The following CACNA1E variants were observed in gnomAD, a reference collection of about 807,000 sequenced individuals.
The protein encoded by CACNA1E is voltage-dependent R-type calcium channel subunit alpha-1E.
In CACNA1E, 40 loss-of-function variants were observed where a neutral mutation model predicts 259.2. The ratio of observed to expected loss-of-function variants is 0.15; its 90% CI spans 0.12 to 0.20. The LOEUF is 0.20. Among genes scored for constraint, CACNA1E ranks in the 10% least tolerant of loss-of-function variants. The pLI is 1.00. For missense variants in CACNA1E, 1,874 were observed against 3,040.1 expected (o/e 0.62, Z 9.02); for synonymous variants, 1,104 against 1,138.5 (o/e 0.97, Z 0.61).
At chr1:181,578,238 A>T (rs984675970) in intron 4 of CACNA1E, among the ~76,000 whole-genome samples, 3 of 152,176 alleles carry the variant, frequency 2.0e-5, no homozygotes, top group Non-Finnish European at 4.4e-5. Flanking sequence ...ATCCTGAAAT[A>T]AGTATTTTAT....
intron 3 of CACNA1E, among the ~76,000 whole-genome samples, chr1:181,531,757 C>T (rs563974582): frequency 2.0e-5 from 3 of 152,262 alleles, no homozygotes; most frequent in East Asian, 3.9e-4. Context: ...GGGACTGAGG[C>T]TGAAGGTAGA....
At chr1:181,733,805 TG>T (rs1229691816) in intron 21 of CACNA1E, 55 bp downstream of exon 21, 12 of 1,348,124 alleles carry the variant, frequency 8.9e-6, no homozygotes, top group Non-Finnish European at 2.9e-6. Flanking sequence ...CATCTGGGGC[TG>T]GGGCCATGAC....
chr1:181,336,099 G>T (rs191197942), intron 1 of CACNA1E, among the ~76,000 whole-genome samples: 1 of 152,234 alleles, frequency 6.6e-6, no homozygotes, highest in East Asian at 1.9e-4. Context: ...CCTCTTGATG[G>T]GTACTTCTAT....
intron 2 of CACNA1E, among the ~76,000 whole-genome samples, chr1:181,463,668 G>A (rs1227355789): frequency 6.6e-6 from 1 of 152,088 alleles, no homozygotes; most frequent in Admixed American, 6.5e-5. Context: ...GGTAGTATGT[G>A]TTTTTCTTAT....
At position 181,653,401 on chromosome 1, in the gene CACNA1E, C is replaced by T. The variant is rs186721587; in HGVS notation, c.1055+1960C>T. Among the ~76,000 whole-genome samples, 29 of 152,318 alleles carry T rather than the reference C, an allele frequency of 1.9e-4. No individual in the cohort carries two copies. In the South Asian group the frequency reaches 3.1e-3, roughly 16 times the overall value. On this transcript the variant is annotated intron_variant, in intron 7 of 47. Coordinates refer to ENST00000367573, the MANE Select transcript of CACNA1E (RefSeq NM_001205293.3). ...AGTTTCCCTGTACAAGCTCTCTTCT[C>T]TTGTCTGCTGCCAAGTGAGATGTGC...
intron 6 of CACNA1E, among the ~76,000 whole-genome samples, chr1:181,605,178 A>T (rs1654114150): frequency 6.6e-6 from 1 of 152,196 alleles, no homozygotes; most frequent in Non-Finnish European, 1.5e-5. Flanking sequence ...CGGAGGAAAC[A>T]GAGAGAAAGA....
chr1:181,651,501 C>T (rs1658753390), intron 7 of CACNA1E, 60 bp downstream of exon 7: 1 of 1,145,422 alleles, frequency 8.7e-7, no homozygotes, highest in Admixed American at 1.8e-5. Flanking sequence ...TAAACTAATG[C>T]CTCCTGACTC....
intron 7 of CACNA1E, among the ~76,000 whole-genome samples, chr1:181,671,165 C>T (rs1297078835): frequency 6.6e-6 from 1 of 152,190 alleles, no homozygotes; most frequent in Non-Finnish European, 1.5e-5. Flanking sequence ...TTCCCAGTAG[C>T]TGGGACTACA....
chr1:181,594,776 T>C (rs1652992746), intron 6 of CACNA1E, among the ~76,000 whole-genome samples: 1 of 152,224 alleles, frequency 6.6e-6, no homozygotes, highest in Non-Finnish European at 1.5e-5. Flanking sequence ...GAGACTCATT[T>C]TCAACTTCTA....
At chr1:181,727,641 A>C (rs774072200) in intron 18 of CACNA1E, among the ~76,000 whole-genome samples, 41 of 152,202 alleles carry the variant, frequency 2.7e-4, no homozygotes, top group Non-Finnish European at 5.1e-4. Context: ...GTGGTGACAC[A>C]GAGGGGTGTT....
In CACNA1E at chr1:181,606,780, C is replaced by T. The variant is rs574737290; in HGVS notation, c.951+26004C>T. 3.9e-5 allele frequency among the ~76,000 whole-genome samples: 6 copies of T among 152,334 alleles called. No individual in the cohort carries two copies. The East Asian group carries it at 1.2e-3, about 29-fold the overall frequency. ...GTCAGAATCAGCCCCCAACCCGACT[C>T]CATCAACCTCAGAACCTTTGGACAT... On this transcript the variant is annotated intron_variant, in intron 6 of 47. Transcript: ENST00000367573.
intron 8 of CACNA1E, among the ~76,000 whole-genome samples, chr1:181,712,467 A>C (rs1231003615): frequency 6.6e-6 from 1 of 152,152 alleles, no homozygotes; most frequent in Non-Finnish European, 1.5e-5. Context: ...GAATGACACT[A>C]TAACACTTAC....
intron 25 of CACNA1E, among the ~76,000 whole-genome samples, chr1:181,740,408 G>T (rs1656455586): frequency 6.6e-6 from 1 of 152,036 alleles, no homozygotes; most frequent in Non-Finnish European, 1.5e-5. Context: ...AGCTGACAGT[G>T]CTTCTCCCCA....
chr1:181,633,333 C>T (rs1265152636), intron 6 of CACNA1E, among the ~76,000 whole-genome samples: 2 of 152,060 alleles, frequency 1.3e-5, no homozygotes, highest in African/African-American at 4.8e-5. Flanking sequence ...TTACCGAATG[C>T]TTTCTGCTTG....
At chr1:181,660,302 T>C (rs1307695244) in intron 7 of CACNA1E, among the ~76,000 whole-genome samples, 1 of 152,238 alleles carries the variant, frequency 6.6e-6, no homozygotes, top group Non-Finnish European at 1.5e-5. Flanking sequence ...GTGTCTGCTA[T>C]GCAAAAGATA....
intron 3 of CACNA1E, among the ~76,000 whole-genome samples, chr1:181,557,602 C>CATCA (rs1648871876): frequency 6.6e-6 from 1 of 152,226 alleles, no homozygotes; most frequent in African/African-American, 2.4e-5. Flanking sequence ...TGTGCCCTCG[C>CATCA]ATCAGGCTGT....
chr1:181,530,446 C>G (rs1223722037), intron 3 of CACNA1E, among the ~76,000 whole-genome samples: 1 of 152,104 alleles, frequency 6.6e-6, no homozygotes. Context: ...GTGTAGCTGA[C>G]AGTTTGACTG....
At chr1:181,600,640 C>T (rs1653649983) in intron 6 of CACNA1E, among the ~76,000 whole-genome samples, 2 of 152,104 alleles carry the variant, frequency 1.3e-5, no homozygotes, top group Non-Finnish European at 2.9e-5. Flanking sequence ...GCGGTGCCAT[C>T]TACCAAGATA....
chr1:181,569,031 C>T (rs1279378811), intron 3 of CACNA1E, among the ~76,000 whole-genome samples: 4 of 152,246 alleles, frequency 2.6e-5, no homozygotes, highest in Non-Finnish European at 5.9e-5. Flanking sequence ...AGGCCTTTTT[C>T]TGCATCTGGG....
Sources: allele counts gnomAD v4.1 joint callset (sites outside exome capture counted in the v4.1 genomes callset), GRCh38; gene constraint gnomAD v4.1.1; transcripts MANE v1.5; gene names NCBI Gene and HGNC (gene_info 2026-07-23, HGNC 2026-07-21).